Variants in ZNF385B observed in about 807,000 individuals in gnomAD.
ZNF385B encodes the protein zinc finger protein 385B.
Under a neutral mutation model 39.2 loss-of-function variants are expected in ZNF385B, and 23 were observed. The ratio of observed to expected loss-of-function variants is 0.59; its 90% confidence interval spans 0.42 to 0.83. The LOEUF (loss-of-function observed/expected upper bound fraction) is 0.83. Ranked by LOEUF, ZNF385B falls within the 40% of genes least tolerant of loss-of-function variation. ZNF385B has a pLI of 0.00. For synonymous variants in ZNF385B, 205 were observed against 222.6 expected (o/e 0.92, Z 0.70); for missense variants, 552 against 598.9 (o/e 0.92, Z 0.82).
chr2:179,667,942 C>T (rs1223560543), intron 3 of ZNF385B, among the ~76,000 whole-genome samples: 2 of 152,150 alleles, frequency 1.3e-5, no homozygotes, highest in Non-Finnish European at 2.9e-5. Flanking sequence ...CCTCCTCCTC[C>T]TTAAGTTGGC....
At chr2:179,654,338 T>C (rs984825866) in intron 3 of ZNF385B, among the ~76,000 whole-genome samples, 1 of 151,732 alleles carries the variant, frequency 6.6e-6, no homozygotes, top group Admixed American at 6.6e-5. Context: ...TTAGAAGGAG[T>C]CTTGAGAAGC....
intron 6 of ZNF385B, among the ~76,000 whole-genome samples, chr2:179,476,201 G>A (rs956487266): frequency 6.6e-6 from 1 of 152,066 alleles, no homozygotes; most frequent in East Asian, 1.9e-4. Context: ...TCATAAAAAT[G>A]TAAGTAATAA....
At chr2:179,632,605 A>C (rs62176328) in intron 3 of ZNF385B, among the ~76,000 whole-genome samples, 9,978 of 152,340 alleles carry the variant, frequency 0.065, 522 homozygotes, top group East Asian at 0.24. Flanking sequence ...GGCAGGAAAG[A>C]TCTCAAATTG....
chr2:179,548,503 T>C (rs988720801), intron 3 of ZNF385B, among the ~76,000 whole-genome samples: 1 of 149,684 alleles, frequency 6.7e-6, no homozygotes, highest in Admixed American at 6.6e-5. Context: ...ATTCAATTAT[T>C]TTTAGCATAT....
At chr2:179,702,483 C>A (rs1699283463) in intron 3 of ZNF385B, among the ~76,000 whole-genome samples, 1 of 152,110 alleles carries the variant, frequency 6.6e-6, no homozygotes, top group Admixed American at 6.5e-5. Context: ...TATTGAAAAG[C>A]GATCCACGTG....
At chr2:179,703,775 T>A (rs1404623532) in intron 3 of ZNF385B, among the ~76,000 whole-genome samples, 1 of 152,186 alleles carries the variant, frequency 6.6e-6, no homozygotes, top group Non-Finnish European at 1.5e-5. Context: ...ATATAACTAT[T>A]CTCAGAGATA....
intron 3 of ZNF385B, among the ~76,000 whole-genome samples, chr2:179,599,100 T>C: frequency 6.6e-6 from 1 of 152,258 alleles, no homozygotes; most frequent in East Asian, 1.9e-4. Flanking sequence ...ATAGATTGCA[T>C]ATACAATGGT....
At chr2:179,493,722 C>CATATAT (rs2055699901) in intron 5 of ZNF385B, among the ~76,000 whole-genome samples, 1 of 59,274 alleles carries the variant, frequency 1.7e-5, no homozygotes, top group Non-Finnish European at 3.8e-5. Flanking sequence ...TATGCATATA[C>CATATAT]GTATATACAT....
rs74461283 is a variant in ZNF385B, at chr2:179,699,610, G to C, written c.298+69893C>G. 8.3e-3 allele frequency among the ~76,000 whole-genome samples: 1,263 copies of C among 152,244 alleles called. 22 individuals carry two copies. The highest frequency in any genetic ancestry group is 0.029 in the African/African-American group (1,218 of 41,536). On this transcript the variant is annotated intron_variant, in intron 3 of 9. Coordinates refer to ENST00000410066, the MANE Select transcript of ZNF385B (RefSeq NM_152520.6). Reference sequence around the variant, plus strand: ...CAAAAGATGCAGAATATATGTAGGGGGTGTGGCTATAAACAGTACATGACA... The same window carrying C: ...CAAAAGATGCAGAATATATGTAGGGCGTGTGGCTATAAACAGTACATGACA...
intron 1 of ZNF385B, among the ~76,000 whole-genome samples, chr2:179,831,304 T>C (rs902313792): frequency 1.3e-5 from 2 of 152,200 alleles, no homozygotes; most frequent in Non-Finnish European, 2.9e-5. Context: ...GTAGGTATCC[T>C]TGTTTTCTAA....
chr2:179,729,041 C>T (rs1030843030), intron 3 of ZNF385B, among the ~76,000 whole-genome samples: 4 of 148,994 alleles, frequency 2.7e-5, no homozygotes, highest in East Asian at 3.9e-4. Flanking sequence ...AGTAAAAACA[C>T]GACTTCAAAG....
intron 1 of ZNF385B, among the ~76,000 whole-genome samples, chr2:179,857,776 C>T (rs558904623): frequency 6.6e-6 from 1 of 152,202 alleles, no homozygotes; most frequent in East Asian, 1.9e-4. Context: ...GGAGCCAATA[C>T]ACATGGTGCT....
chr2:179,748,422 A>G (rs1702500888), intron 3 of ZNF385B, among the ~76,000 whole-genome samples: 1 of 152,142 alleles, frequency 6.6e-6, no homozygotes, highest in African/African-American at 2.4e-5. Context: ...CATGTATTTC[A>G]GAGGGAGGCA....
chr2:179,751,543 T>C (rs1364492025), intron 3 of ZNF385B, among the ~76,000 whole-genome samples: 1 of 152,130 alleles, frequency 6.6e-6, no homozygotes, highest in Admixed American at 6.6e-5. Context: ...CCTACACACA[T>C]ATTTTAAGAG....
chr2:179,631,309 A>G (rs1691190024), intron 3 of ZNF385B, among the ~76,000 whole-genome samples: 1 of 152,228 alleles, frequency 6.6e-6, no homozygotes, highest in Non-Finnish European at 1.5e-5. Flanking sequence ...CCATCAGACT[A>G]ACAGTGGATC....
At chr2:179,762,364 A>G (rs1024696094) in intron 3 of ZNF385B, among the ~76,000 whole-genome samples, 2 of 151,840 alleles carry the variant, frequency 1.3e-5, no homozygotes, top group African/African-American at 4.8e-5. Flanking sequence ...TAATTTTTTA[A>G]TATTTTTAGT....
intron 1 of ZNF385B, among the ~76,000 whole-genome samples, chr2:179,805,832 T>A (rs1706314534): frequency 6.6e-6 from 1 of 152,236 alleles, no homozygotes; most frequent in Non-Finnish European, 1.5e-5. Context: ...TTTTACATAA[T>A]GGATAGACAA....
intron 3 of ZNF385B, among the ~76,000 whole-genome samples, chr2:179,611,076 T>C (rs1012427144): frequency 3.3e-5 from 5 of 152,236 alleles, no homozygotes; most frequent in African/African-American, 7.2e-5. Flanking sequence ...TCCAGTACTA[T>C]GTTGAATAAC....
At chr2:179,681,603 C>A (rs1189830778) in intron 3 of ZNF385B, among the ~76,000 whole-genome samples, 1 of 152,120 alleles carries the variant, frequency 6.6e-6, no homozygotes. Context: ...ATTCTAATAA[C>A]CCCCAGGTAT....
Sources: allele counts gnomAD v4.1 joint callset (sites outside exome capture counted in the v4.1 genomes callset), GRCh38; gene constraint gnomAD v4.1.1; transcripts MANE v1.5; gene names NCBI Gene and HGNC (gene_info 2026-07-23, HGNC 2026-07-21).